Variants in PHEX observed in about 807,000 individuals in gnomAD.
PHEX encodes phosphate regulating endopeptidase X-linked.
In PHEX, 16 loss-of-function variants were observed where a neutral mutation model predicts 68.0. The ratio of observed to expected loss-of-function variants is 0.24; its 90% CI spans 0.16 to 0.36. The LOEUF is 0.36. Among genes scored for constraint, PHEX ranks in the 10% least tolerant of loss-of-function variants. PHEX has a pLI of 1.00. For missense variants in PHEX, 480 were observed against 575.5 expected, an observed-to-expected ratio of 0.83 and a Z score of 1.70; for synonymous variants, 208 against 205.1, an observed-to-expected ratio of 1.01 and a Z score of -0.12.
chrX:22,137,537 C>T (rs1277332624), intron 12 of PHEX, among the ~76,000 whole-genome samples: 1 of 111,703 alleles, frequency 9.0e-6, no homozygotes, highest in Non-Finnish European at 1.9e-5. Flanking sequence ...TTGGCTTTGT[C>T]TCTAAGCTCT....
Position 22,041,241 on chromosome X carries a change from ATC to A in PHEX, c.187+2728_187+2729del, listed in dbSNP as rs778017024. On this transcript the variant is annotated intron_variant, in intron 2 of 21. Transcript: ENST00000379374. ...TCTTTTTTTGTTCCATTCTTAAGTG[ATC>A]TCTCTCTCTCTCTCTCTCTCTCTAT... Among the ~76,000 whole-genome samples the A allele has an allele frequency of 3.5e-4, 18 of 51,151 alleles. 1 individual carries two copies. Among genetic ancestry groups the A allele is most frequent in the African/African-American group, 1.2e-3 (13 of 10,567 alleles). The allele number at this position is 51,151 out of a possible 115,157, so 44.4% of individuals were successfully genotyped here. A position where few individuals can be genotyped will look rare whatever the true frequency, so the allele number is the denominator to read the frequency against.
rs915155796 is a variant in PHEX, at chrX:22,154,610, A to G, written c.1405-13702A>G. On this transcript the variant is annotated intron_variant, in intron 12 of 21. Transcript: ENST00000379374. ...CACAGAACAGTCCCCAGAGATAAGAATGATTCTTTCCCAAATGTCAATAGT... is the reference window on the plus strand; with the variant it reads ...CACAGAACAGTCCCCAGAGATAAGAGTGATTCTTTCCCAAATGTCAATAGT... 2.7e-5 allele frequency among the ~76,000 whole-genome samples: 3 copies of G among 111,694 alleles called. No individual in the cohort carries two copies. The South Asian group carries it at 1.1e-3, about 42-fold the overall frequency.
Position 22,239,821 on chromosome X carries a change from G to C in PHEX, c.2071-5512G>C, listed in dbSNP as rs754310965. ...AACCAAGTTGGAAAACACTCTTCAG[G>C]ATATTATCCAGGAGAACGTCCCCAA... On this transcript the variant is annotated intron_variant, in intron 20 of 21. Transcript: ENST00000379374. 1.3e-4 allele frequency among the ~76,000 whole-genome samples: 15 copies of C among 111,700 alleles called. No homozygotes were observed. The East Asian group carries it at 4.2e-3, about 32-fold the overall frequency.
Position 22,248,178 on chromosome X carries a change from A to G in PHEX, c.*225A>G, listed in dbSNP as rs770275990. 4.9e-6 allele frequency: 2 copies of G among 411,308 alleles called. No homozygotes were observed. Among genetic ancestry groups the G allele is most frequent in the African/African-American group, 5.0e-5 (2 of 40,172 alleles). 33.9% of individuals were successfully genotyped at this position (411,308 alleles called of 1,213,427 possible). ...TAAGTATGTTTCTTTAGAAAATCAA[A>G]CCAACAAAAATAAATCCCTAGGCTA... On this transcript the variant is annotated 3_prime_UTR_variant, in exon 22 of 22. Coordinates refer to ENST00000379374, the MANE Select transcript of PHEX (RefSeq NM_000444.6).
intron 2 of PHEX, among the ~76,000 whole-genome samples, chrX:22,039,861 A>G (rs1289189794): frequency 9.0e-6 from 1 of 111,672 alleles, no homozygotes; most frequent in African/African-American, 3.3e-5. Flanking sequence ...GCTTGAGCCC[A>G]GGAGGCGGAG....
chrX:22,229,196 T>C (rs778272634), intron 20 of PHEX, among the ~76,000 whole-genome samples: 3 of 112,201 alleles, frequency 2.7e-5, no homozygotes, highest in Admixed American at 9.4e-5. Flanking sequence ...ACAATAAACA[T>C]AAGTGTGCAT....
At chrX:22,183,490 G>A (rs1251316609) in intron 14 of PHEX, among the ~76,000 whole-genome samples, 3 of 104,140 alleles carry the variant, frequency 2.9e-5, no homozygotes, top group African/African-American at 6.6e-5. Context: ...ACTGTCTTTG[G>A]TTCTTTCCTC....
chrX:22,077,865 T>A (rs899511782), intron 5 of PHEX, among the ~76,000 whole-genome samples, 163 bp downstream of exon 5: 7 of 112,243 alleles, frequency 6.2e-5, no homozygotes, highest in Non-Finnish European at 1.1e-4. Flanking sequence ...CTTTGCAGAA[T>A]GTAGACCATT....
At chrX:22,225,430 G>A (rs1443276401) in intron 18 of PHEX, among the ~76,000 whole-genome samples, 1 of 111,554 alleles carries the variant, frequency 9.0e-6, no homozygotes, top group East Asian at 2.8e-4. Flanking sequence ...GGATCAGGAC[G>A]CAGACATCTT....
chrX:22,230,910 G>C (rs1363675518), intron 20 of PHEX, among the ~76,000 whole-genome samples: 1 of 111,609 alleles, frequency 9.0e-6, no homozygotes, highest in Non-Finnish European at 1.9e-5. Flanking sequence ...TATTAGCTGT[G>C]GGTTTGTCAT....
At chrX:22,049,232 C>T in intron 3 of PHEX, among the ~76,000 whole-genome samples, 1 of 111,393 alleles carries the variant, frequency 9.0e-6, no homozygotes, top group Non-Finnish European at 1.9e-5. Context: ...CCTGCCTCAG[C>T]CTCCCGAGTA....
At chrX:22,066,984 A>G (rs1928633290) in intron 3 of PHEX, among the ~76,000 whole-genome samples, 1 of 111,035 alleles carries the variant, frequency 9.0e-6, no homozygotes, top group Non-Finnish European at 1.9e-5. Context: ...TGGCTCATGC[A>G]TGTAATCCCA....
chrX:22,231,379 C>T (rs374389753), intron 20 of PHEX, among the ~76,000 whole-genome samples: 1 of 111,597 alleles, frequency 9.0e-6, no homozygotes, highest in Non-Finnish European at 1.9e-5. Flanking sequence ...TGGTAGAATT[C>T]GGCTGTGAAT....
chrX:22,203,252 C>T (rs949188915), intron 15 of PHEX, among the ~76,000 whole-genome samples: 1 of 110,245 alleles, frequency 9.1e-6, no homozygotes, highest in Non-Finnish European at 1.9e-5. Context: ...GTAATTATGG[C>T]AGAAAAAGAA....
chrX:22,094,412 T>C (rs986136777), intron 7 of PHEX, among the ~76,000 whole-genome samples: 1 of 112,063 alleles, frequency 8.9e-6, no homozygotes, highest in African/African-American at 3.2e-5. Context: ...CCGTTTTTCC[T>C]GGAGAAACTC....
chrX:22,060,732 A>C (rs1302360700), intron 3 of PHEX, among the ~76,000 whole-genome samples: 3 of 111,667 alleles, frequency 2.7e-5, no homozygotes, highest in Non-Finnish European at 5.6e-5. Context: ...GGCTAAATTT[A>C]GGTTCCTTTG....
At chrX:22,068,610 T>C (rs771547803) in intron 3 of PHEX, among the ~76,000 whole-genome samples, 4 of 112,087 alleles carry the variant, frequency 3.6e-5, no homozygotes, top group Non-Finnish European at 7.5e-5. Context: ...CAAGTTCTTA[T>C]AGTTTTCTTG....
chrX:22,084,780 T>C (rs1431159446), intron 5 of PHEX, among the ~76,000 whole-genome samples: 3 of 110,974 alleles, frequency 2.7e-5, no homozygotes, highest in Non-Finnish European at 5.7e-5. Context: ...ATGTTCCACT[T>C]TGTTGGCATA....
At chrX:22,060,843 A>G (rs1293698655) in intron 3 of PHEX, among the ~76,000 whole-genome samples, 3 of 111,896 alleles carry the variant, frequency 2.7e-5, no homozygotes, top group African/African-American at 9.7e-5. Flanking sequence ...GCCCACACCC[A>G]GGTCCTGTTT....
Sources: allele counts gnomAD v4.1 joint callset (sites outside exome capture counted in the v4.1 genomes callset), GRCh38; gene constraint gnomAD v4.1.1; transcripts MANE v1.5; gene names NCBI Gene and HGNC (gene_info 2026-07-23, HGNC 2026-07-21).